The following ZNF45 variants were observed in gnomAD, a reference collection of about 807,000 sequenced individuals.
ZNF45 encodes the protein BRC1744.
Under a neutral mutation model 12.0 loss-of-function variants are expected in ZNF45, and 4 were observed. The ratio of observed to expected loss-of-function variants is 0.33; its 90% confidence interval spans 0.16 to 0.76. The LOEUF (loss-of-function observed/expected upper bound fraction) is 0.76, where lower values mean the gene tolerates loss of function less well. ZNF45 is among the 30% of genes least tolerant of loss of function. ZNF45 has a pLI of 0.60. For missense variants in ZNF45, 700 were observed against 813.0 expected (o/e 0.86, Z 1.69); for synonymous variants, 272 against 279.6 (o/e 0.97, Z 0.27).
intron 3 of ZNF45, among the ~76,000 whole-genome samples, chr19:43,927,461 C>T (rs1175694317): frequency 1.3e-5 from 2 of 152,118 alleles, no homozygotes; most frequent in East Asian, 3.9e-4. Context: ...AGCCAAGGGT[C>T]CTAGATGTGA....
chr19:43,924,857 A>G (rs1418752539), intron 4 of ZNF45, among the ~76,000 whole-genome samples: 1 of 151,652 alleles, frequency 6.6e-6, no homozygotes, highest in Non-Finnish European at 1.5e-5. Flanking sequence ...GTGACTAAGT[A>G]TACACAAAAC....
intron 6 of ZNF45, 100 bp downstream of exon 6, chr19:43,924,138 C>A (rs568442582): frequency 6.6e-6 from 1 of 152,078 alleles, no homozygotes; most frequent in African/African-American, 2.4e-5. Context: ...ATAGGAAGCA[C>A]AATAATAACA....
At chr19:43,915,460 T>G (rs1972566822) in intron 9 of ZNF45, among the ~76,000 whole-genome samples, 1 of 152,224 alleles carries the variant, frequency 6.6e-6, no homozygotes, top group African/African-American at 2.4e-5. Context: ...TGAGGCACTG[T>G]GCTAGTTAGA....
intron 6 of ZNF45, among the ~76,000 whole-genome samples, chr19:43,923,335 G>C (rs1034432153): frequency 1.3e-5 from 2 of 152,136 alleles, no homozygotes; most frequent in African/African-American, 4.8e-5. Flanking sequence ...GGTGAGTACA[G>C]TGCAGTAAGA....
chr19:43,913,981 T>C lies in ZNF45; in HGVS notation c.1455A>G (p.Ser485=). The C allele has an allele frequency of 5.0e-6, 8 of 1,611,986 alleles. No individual in the cohort carries two copies. Among genetic ancestry groups the C allele is most frequent in the Non-Finnish European group, 6.8e-6 (8 of 1,179,484 alleles). ...GGATTCTACAGTGTACATTAAGATC[T>C]GAGCTCCGACTGAAGCCCTTCCCAC... The part of the protein sequence containing the change: ...GTCGKGFSRS[S]DLNVHCRIHT... The change falls in exon 10 of 10, where the codon TCA becomes TCG. Residue 485 remains serine, a synonymous_variant. Coordinates refer to ENST00000269973, the MANE Select transcript of ZNF45 (RefSeq NM_003425.4).
rs1972375305 is a variant in ZNF45 at position 43,913,536 on chromosome 19, G to A, written c.1900C>T (p.His634Tyr). ...SSYLQAHQRV[H>Y]TGEKPYKCEE... ...CATTTGTATGGTTTTTCTCCGGTGT[G>A]AACTCTTTGATGGGCTTGAAGGTAT... is the stretch of plus-strand genomic sequence containing the variant. Residue 634 changes from histidine to tyrosine, a missense_variant, in exon 10 of 10, where the codon CAC (histidine) becomes TAC (tyrosine). Coordinates refer to ENST00000269973, the MANE Select transcript of ZNF45 (RefSeq NM_003425.4). 6.2e-7 allele frequency: 1 copy of A among 1,613,646 alleles called. No homozygotes were observed. The highest frequency in any genetic ancestry group is 1.3e-5 in the African/African-American group (1 of 74,846).
intron 3 of ZNF45, among the ~76,000 whole-genome samples, chr19:43,926,877 C>G (rs1014795879): frequency 1.3e-5 from 2 of 152,144 alleles, no homozygotes; most frequent in African/African-American, 4.8e-5. Flanking sequence ...AGAATTCAAA[C>G]CATGATGACG....
At chr19:43,924,342 A>G (rs937938718) in intron 5 of ZNF45, 32 bp from the exon 6 acceptor site, 6 of 152,250 alleles carry the variant, frequency 3.9e-5, no homozygotes, top group African/African-American at 1.4e-4. Context: ...CAGGATGTTA[A>G]TCATAGGATT....
chr19:43,921,751 C>T (rs187449899), intron 7 of ZNF45, among the ~76,000 whole-genome samples: 73 of 152,266 alleles, frequency 4.8e-4, no homozygotes, highest in African/African-American at 1.6e-3. Context: ...CACATACACA[C>T]CACAGAGTAA....
chr19:43,931,078 A>G (rs1974105569), intron 3 of ZNF45, among the ~76,000 whole-genome samples: 1 of 152,162 alleles, frequency 6.6e-6, no homozygotes, highest in African/African-American at 2.4e-5. Context: ...AATATAGACT[A>G]TATAATCATC....
At position 43,914,447 on chromosome 19, in the gene ZNF45, T is replaced by C; in HGVS notation, c.989A>G (p.Lys330Arg). ...QAHERIHTGE[K>R]PYKCNACGKS... ...GCCACATGCATTGCATTTGTATGGT[T>C]TCTCGCCAGTGTGGATTCGCTCATG... Residue 330 changes from lysine to arginine, a missense_variant, in exon 10 of 10, where the codon AAA becomes AGA. By Grantham distance (26) the Lys-to-Arg change is conservative (BLOSUM62 2). Transcript: ENST00000269973. 6.2e-7 allele frequency: 1 copy of C among 1,611,290 alleles called. No individual in the cohort carries two copies. The highest frequency in any genetic ancestry group is 8.5e-7 in the Non-Finnish European group (1 of 1,178,366).
At chr19:43,924,878 G>C (rs1458674259) in intron 4 of ZNF45, among the ~76,000 whole-genome samples, 1 of 124,606 alleles carries the variant, frequency 8.0e-6, no homozygotes, top group Non-Finnish European at 1.8e-5. Flanking sequence ...ATGTGGAACA[G>C]TTTCTGGCAG....
rs763784715 is a variant in ZNF45, at chr19:43,914,296, T to G, written c.1140A>C (p.Ile380=). 3 of 1,612,914 alleles carry G rather than the reference T, an allele frequency of 1.9e-6. No homozygotes were observed. The highest frequency in any genetic ancestry group is 2.5e-6 in the Non-Finnish European group (3 of 1,179,424). Residue 380 remains isoleucine (I), a synonymous_variant, in exon 10 of 10, where the codon ATA becomes ATC. Transcript: ENST00000269973. ...TGTATGGCTTCTCTCCAGTGTGGCT[T>G]ATCTGATGGGCCTGAAGGTGTGAAC... ...SVGSHLQAHQ[I]SHTGEKPYKC... is the part of the protein sequence containing the mutation.
At position 43,917,547 on chromosome 19, in the gene ZNF45, G is replaced by A. The variant is rs140937563; in HGVS notation, c.235+1323C>T. 2.4e-3 allele frequency among the ~76,000 whole-genome samples: 363 copies of A among 152,062 alleles called. 6 individuals carry two copies. In the South Asian group the frequency reaches 0.027, roughly 11 times the overall value. On this transcript the variant is annotated intron_variant, in intron 9 of 9. Transcript: ENST00000269973. Reference sequence around the variant, plus strand: ...GTTGCCCAGGCTGGAGTGCAATGGCGCGCTGTAGGCTCACTGCAACCTCCA... The same window carrying A: ...GTTGCCCAGGCTGGAGTGCAATGGCACGCTGTAGGCTCACTGCAACCTCCA...
chr19:43,929,342 C>A (rs557575344), intron 3 of ZNF45, among the ~76,000 whole-genome samples: 4 of 152,226 alleles, frequency 2.6e-5, no homozygotes, highest in African/African-American at 7.2e-5. Flanking sequence ...CCTAGTTCCT[C>A]GTGTGTTAAC....
At chr19:43,921,384 CATA>C (rs1314263860) in intron 7 of ZNF45, among the ~76,000 whole-genome samples, 1 of 152,078 alleles carries the variant, frequency 6.6e-6, no homozygotes, top group African/African-American at 2.4e-5. Flanking sequence ...AATAAGTTAA[CATA>C]AGAGTAAAAG....
At chr19:43,915,484 C>T (rs1470622982) in intron 9 of ZNF45, among the ~76,000 whole-genome samples, 3 of 152,204 alleles carry the variant, frequency 2.0e-5, no homozygotes, top group African/African-American at 4.8e-5. Flanking sequence ...ACACATTTTT[C>T]AGAAAATACC....
rs753658760 is a variant in ZNF45, at chr19:43,913,907, C to A, written c.1529G>T (p.Ser510Ile). 1 of 1,603,096 alleles carries A rather than the reference C, an allele frequency of 6.2e-7. No individual in the cohort carries two copies. Among genetic ancestry groups the A allele is most frequent in the South Asian group, 1.1e-5 (1 of 90,598 alleles). Residue 510 changes from serine (S) to isoleucine (I), a missense_variant, in exon 10 of 10, where the codon AGT (serine) becomes ATT (isoleucine). Coordinates refer to ENST00000269973, the MANE Select transcript of ZNF45 (RefSeq NM_003425.4). The stretch of plus-strand genomic sequence containing the variant: ...ATGCACCTGAAGGCTGGAGAACTGA[C>A]TGAAGGCCTTACCACACCTCTCGCA... ...YKCERCGKAF[S>I]QFSSLQVHQR...
chr19:43,919,479 GA>G (rs1972954399), intron 8 of ZNF45, 93 bp downstream of exon 8: 1 of 1,440,528 alleles, frequency 6.9e-7, no homozygotes, highest in African/African-American at 1.4e-5. Context: ...TTAGAAAACT[GA>G]AAACCAGTTC....
Sources: gnomAD v4.1 joint callset for allele counts (sites outside exome capture counted in the v4.1 genomes callset) on GRCh38, gnomAD v4.1.1 for gene constraint, MANE v1.5 for transcripts, NCBI Gene and HGNC (gene_info 2026-07-23, HGNC 2026-07-21) for gene names.